The following NPC1 variants were observed in gnomAD, a reference collection of about 807,000 sequenced individuals.
NPC1 encodes NPC intracellular cholesterol transporter 1, also known as Niemann-Pick C1 protein.
A neutral mutation model predicts 140.4 loss-of-function variants in NPC1; 85 were observed. The observed-to-expected ratio is 0.61, with a 90% CI of 0.51 to 0.72. The LOEUF (loss-of-function observed/expected upper bound fraction) is 0.72. NPC1 is among the 30% of genes least tolerant of loss of function. The probability of loss-of-function intolerance (pLI) is 0.00; values close to 1 mark genes in which losing one functional copy is unlikely to be tolerated. For missense variants in NPC1, 1,504 were observed against 1,623.8 expected (o/e 0.93, Z 1.27); for synonymous variants, 656 against 624.8 (o/e 1.05, Z -0.74).
chr18:23,530,007 A>G, downstream of NPC1: 1 of 1,593,212 alleles, frequency 6.3e-7, no homozygotes, highest in Non-Finnish European at 8.6e-7. Context: ...GTGTTCTTTC[A>G]CTTTTTACTT....
chr18:23,556,270 A>G lies in NPC1; in HGVS notation c.1299T>C (p.Pro433=), dbSNP rs1241818604. ...YPSGADVPFG[P]PLDIQILHQV... ...GGTGCAGTATCTGTATGTCAAGCGGAGGTCCAAAGGGTACATCAGCTCCCG... is the reference window on the plus strand; with the variant it reads ...GGTGCAGTATCTGTATGTCAAGCGGGGGTCCAAAGGGTACATCAGCTCCCG... Residue 433 remains proline, a synonymous_variant, in exon 8 of 25, where the codon CCT becomes CCC. Transcript: ENST00000269228. 2 of 1,614,046 alleles carry G rather than the reference A, an allele frequency of 1.2e-6. No homozygotes were observed. Among genetic ancestry groups the G allele is most frequent in the East Asian group, 2.2e-5 (1 of 44,880 alleles).
rs762002508 is a variant in NPC1, at chr18:23,540,438, G to GTCA, written c.2604+7_2604+9dup. The GTCA allele has an allele frequency of 2.7e-5, 39 of 1,469,586 alleles. 2 individuals are homozygous for GTCA. The South Asian group carries it at 4.3e-4, about 16-fold the overall frequency. 91.0% of individuals were successfully genotyped at this position (1,469,586 alleles called of 1,614,324 possible). Reference sequence around the variant, plus strand: ...AAGTTAAAAAAAAAAAAAAAAGGAAGTCATCTTACATCTGGCATCGAAAGA... The same window carrying GTCA: ...AAGTTAAAAAAAAAAAAAAAAGGAAGTCATCATCTTACATCTGGCATCGAAAGA... On this transcript the variant is annotated intron_variant, in intron 17 of 24. Transcript: ENST00000269228.
At position 23,561,358 on chromosome 18, in the gene NPC1, A is replaced by G. The variant is rs1555638833; in HGVS notation, c.631+2T>C. 2 of 1,613,988 alleles carry G rather than the reference A, an allele frequency of 1.2e-6. No homozygotes were observed. Among genetic ancestry groups the G allele is most frequent in the Admixed American group, 1.7e-5 (1 of 60,004 alleles). ...CACCAAACTTGGAATCTTTATACCTACCTGAAAACACAGGAGTGATGGTAA... is the reference window on the plus strand; with the variant it reads ...CACCAAACTTGGAATCTTTATACCTGCCTGAAAACACAGGAGTGATGGTAA... On this transcript the variant is annotated splice_donor_variant, in intron 5 of 24. Transcript: ENST00000269228. LOFTEE classifies it high-confidence loss of function.
chr18:23,566,169 T>TCTC (rs1483243716), intron 4 of NPC1, among the ~76,000 whole-genome samples: 2 of 151,976 alleles, frequency 1.3e-5, no homozygotes, highest in East Asian at 3.9e-4. Context: ...TGTGGGAAGA[T>TCTC]CTCCTGAGGC....
chr18:23,560,049 G>C (rs2059015414), intron 6 of NPC1, among the ~76,000 whole-genome samples, 182 bp downstream of exon 6: 1 of 152,192 alleles, frequency 6.6e-6, no homozygotes, highest in South Asian at 2.1e-4. Flanking sequence ...AGATGTTGCA[G>C]TGTTAAACAG....
At chr18:23,561,668 A>AGG in intron 4 of NPC1, 141 bp from the exon 5 acceptor site, 1 of 807,802 alleles carries the variant, frequency 1.2e-6, no homozygotes, top group Middle Eastern at 3.6e-4. Flanking sequence ...ACACTAACTA[A>AGG]GGGCACGAAC....
downstream of NPC1, among the ~76,000 whole-genome samples, chr18:23,525,743 G>A (rs897634971): frequency 2.4e-4 from 36 of 152,028 alleles, no homozygotes; most frequent in African/African-American, 8.7e-4. Flanking sequence ...TTTTTGTAGA[G>A]ACAGGGTCTT....
Position 23,544,943 on chromosome 18 carries a change from A to AACCCCCC in NPC1, c.1947+16_1947+17insGGGGGGT, listed in dbSNP as rs2058763448. ...GCTGTTAACCTCTAGAACATACACCACCCCCCCCCGGCTTACCAGAAGCCT... is the reference window on the plus strand; with the variant it reads ...GCTGTTAACCTCTAGAACATACACCAACCCCCCCCCCCCCCCGGCTTACCAGAAGCCT... On this transcript the variant is annotated intron_variant, in intron 12 of 24. Transcript: ENST00000269228. The AACCCCCC allele has an allele frequency of 8.2e-5, 85 of 1,042,018 alleles. No homozygotes were observed. Among genetic ancestry groups the AACCCCCC allele is most frequent in the South Asian group, 2.5e-4 (19 of 74,680 alleles). The allele number at this position is 1,042,018 out of a possible 1,614,324, so 64.5% of individuals were successfully genotyped here.
exon 4 of NPC1, chr18:23,506,422 G>A (rs3196567): frequency 0.14 from 21,378 of 151,862 alleles, 1,717 homozygotes; most frequent in Middle Eastern, 0.29. Context: ...GAATAGAGAC[G>A]GGGTCTCACT....
At chr18:23,518,852 G>T, downstream of NPC1, 1 of 1,582,446 alleles carries the variant, frequency 6.3e-7, no homozygotes, top group Non-Finnish European at 8.7e-7. Flanking sequence ...AATTTTGAAT[G>T]GCCAGATGTG....
intron 6 of NPC1, 107 bp from the exon 7 acceptor site, chr18:23,557,297 T>G: frequency 5.0e-6 from 4 of 803,960 alleles, no homozygotes; most frequent in East Asian, 2.7e-5. Flanking sequence ...CCTCCTGGCC[T>G]CCTCCTCCCT....
At chr18:23,574,827 T>C (rs1567982354) in intron 1 of NPC1, among the ~76,000 whole-genome samples, 1 of 152,174 alleles carries the variant, frequency 6.6e-6, no homozygotes, top group Non-Finnish European at 1.5e-5. Flanking sequence ...TGTGCCAAGA[T>C]TCCACCACTA....
At chr18:23,556,145 ATT>A in intron 8 of NPC1, 96 bp downstream of exon 8, 1 of 1,083,406 alleles carries the variant, frequency 9.2e-7, no homozygotes, top group Non-Finnish European at 1.4e-6. Flanking sequence ...ATACCATGAC[ATT>A]CAGCCCCAAA....
At chr18:23,524,941 C>CTTTTTTT (rs5823396), downstream of NPC1, among the ~76,000 whole-genome samples, 29 of 69,208 alleles carry the variant, frequency 4.2e-4, no homozygotes, top group East Asian at 1.0e-3. Flanking sequence ...TTAGAGAAAT[C>CTTTTTTT]TTTTTTTTTT....
At chr18:23,555,949 A>G (rs2058943633) in intron 8 of NPC1, among the ~76,000 whole-genome samples, 1 of 152,240 alleles carries the variant, frequency 6.6e-6, no homozygotes, top group Non-Finnish European at 1.5e-5. Flanking sequence ...TCCTGCCTCA[A>G]TAGAGAAACG....
At chr18:23,540,953 T>TA (rs571521205) in intron 16 of NPC1, 115 bp downstream of exon 16, 788 of 1,244,430 alleles carry the variant, frequency 6.3e-4, no homozygotes, top group Non-Finnish European at 7.0e-4. Flanking sequence ...GCTTTTTTTT[T>TA]AGATACATTT....
intron 3 of NPC1, among the ~76,000 whole-genome samples, chr18:23,515,037 C>G (rs1469968566): frequency 6.6e-6 from 1 of 152,044 alleles, no homozygotes; most frequent in East Asian, 1.9e-4. Flanking sequence ...TCCTCCCAGG[C>G]CCAGTGTAGA....
rs373245725 is a variant in NPC1 at position 23,535,622 on chromosome 18, C to T, written c.3324G>A (p.Ala1108=). The stretch of plus-strand genomic sequence containing the variant: ...GGAGGACCATGGTCACCAGAAATAT[C>T]GCGCCCAGGGACACACCGAGGTTGA... The part of the protein sequence containing the change: ...TIFNLGVSLG[A]IFLVTMVLLG... Residue 1108 remains alanine, a synonymous_variant, in exon 22 of 25, where the codon GCG becomes GCA. Transcript: ENST00000269228. 1.4e-5 allele frequency: 23 copies of T among 1,613,952 alleles called. No individual in the cohort carries two copies. Among genetic ancestry groups the T allele is most frequent in the African/African-American group, 1.2e-4 (9 of 74,862 alleles).
In NPC1 at chr18:23,541,175, C is replaced by T. The variant is rs762440923; in HGVS notation, c.2407G>A (p.Gly803Ser). The T allele has an allele frequency of 1.9e-6, 3 of 1,614,204 alleles. No individual in the cohort carries two copies. The highest frequency in any genetic ancestry group is 1.3e-5 in the African/African-American group (1 of 75,052). The change falls in exon 16 of 25, where the codon GGT becomes AGT. Residue 803 changes from glycine (G) to serine (S), a missense_variant. Physicochemically the swap from Gly to Ser is moderately conservative, Grantham distance 56. Coordinates refer to ENST00000269228, the MANE Select transcript of NPC1 (RefSeq NM_000271.5). ...TGGACGCTTGTTCCATCTTCAGCAC[C>T]TCTGACACAGCAAAAGATGTCTAGC... ...NRLDIFCCVR[G>S]AEDGTSVQAS...
Sources: gnomAD v4.1 joint callset for allele counts (sites outside exome capture counted in the v4.1 genomes callset) on GRCh38, gnomAD v4.1.1 for gene constraint, MANE v1.5 for transcripts, NCBI Gene and HGNC (gene_info 2026-07-23, HGNC 2026-07-21) for gene names.